SNUPN: variants seen among roughly 807,000 people sequenced by gnomAD.
The protein encoded by SNUPN is snurportin 1.
In SNUPN, 31 loss-of-function variants were observed where a neutral mutation model predicts 39.2. The ratio of observed to expected loss-of-function variants is 0.79; its 90% CI spans 0.59 to 1.07. SNUPN has a LOEUF of 1.07. Ranked by LOEUF, SNUPN falls within the 50% of genes least tolerant of loss-of-function variation. SNUPN has a pLI of 0.00. For synonymous variants in SNUPN, 132 were observed against 159.0 expected (o/e 0.83, Z 1.28); for missense variants, 382 against 434.2 (o/e 0.88, Z 1.07).
chr15:75,612,451 T>C (rs1306086486), intron 3 of SNUPN, among the ~76,000 whole-genome samples: 6 of 152,146 alleles, frequency 3.9e-5, no homozygotes, highest in African/African-American at 1.4e-4. Context: ...ACTCTGTTTT[T>C]CCCTCTAAAC....
At chr15:75,617,351 G>T in intron 3 of SNUPN, 57 bp downstream of exon 3, 3 of 1,557,968 alleles carry the variant, frequency 1.9e-6, no homozygotes, top group South Asian at 1.2e-5. Context: ...AGTGGGCTTT[G>T]ACTGCATAGT....
At chr15:75,612,895 CAAA>C (rs1170619103) in intron 3 of SNUPN, among the ~76,000 whole-genome samples, 1 of 151,640 alleles carries the variant, frequency 6.6e-6, no homozygotes, top group Non-Finnish European at 1.5e-5. Flanking sequence ...ACCAAGAAGA[CAAA>C]AAGACAACCC....
chr15:75,626,346 G>A (rs1041074119), upstream of SNUPN: 2 of 152,214 alleles, frequency 1.3e-5, no homozygotes, highest in Non-Finnish European at 2.9e-5. Flanking sequence ...CCAGAGTCCA[G>A]CACAAGGGAT....
At chr15:75,616,229 G>A (rs1158224998) in intron 3 of SNUPN, among the ~76,000 whole-genome samples, 2 of 151,278 alleles carry the variant, frequency 1.3e-5, no homozygotes, top group East Asian at 2.0e-4. Context: ...GGCCGAGGGG[G>A]GTGGATCACC....
chr15:75,623,445 G>A (rs1488939389), intron 1 of SNUPN, among the ~76,000 whole-genome samples: 8 of 115,970 alleles, frequency 6.9e-5, no homozygotes, highest in East Asian at 2.2e-4. Context: ...CACCACGCCC[G>A]GCCTTTTTTT....
chr15:75,616,982 G>A (rs1046335779), intron 3 of SNUPN, among the ~76,000 whole-genome samples: 1 of 152,192 alleles, frequency 6.6e-6, no homozygotes, highest in Non-Finnish European at 1.5e-5. Flanking sequence ...ATAGTACACT[G>A]CCTGGGAAAG....
At chr15:75,605,577 G>A (rs2075324745) in intron 6 of SNUPN, among the ~76,000 whole-genome samples, 1 of 151,656 alleles carries the variant, frequency 6.6e-6, no homozygotes, top group South Asian at 2.1e-4. Context: ...TGGGATTACA[G>A]GTGTGAGCCA....
intron 1 of SNUPN, chr15:75,624,831 G>C (rs1035852099): frequency 1.3e-6 from 1 of 793,296 alleles, no homozygotes; most frequent in African/African-American, 1.9e-5. Flanking sequence ...GGAGTGCAGT[G>C]GCATGATCTC....
chr15:75,601,080 C>T (rs1456994679), intron 8 of SNUPN, 58 bp downstream of exon 8: 2 of 1,217,116 alleles, frequency 1.6e-6, no homozygotes, highest in East Asian at 4.7e-5. Flanking sequence ...CTTTGTGTAA[C>T]TAAGTCTCTC....
At chr15:75,620,835 C>T (rs1212182244) in intron 2 of SNUPN, 59 bp downstream of exon 2, 4 of 1,476,082 alleles carry the variant, frequency 2.7e-6, no homozygotes, top group East Asian at 4.5e-5. Context: ...CTAGAGCCTT[C>T]GGAATGGTTC....
chr15:75,607,108 C>G lies in SNUPN; in HGVS notation c.600+108G>C, dbSNP rs2075336414. ...AGATAATGTTCTTGATATACCACAT[C>G]CTGTGCACACCAAGAAGTTGGTCAC... On this transcript the variant is annotated intron_variant, in intron 6 of 8. Coordinates refer to ENST00000308588, the MANE Select transcript of SNUPN (RefSeq NM_005701.4). The G allele has an allele frequency of 9.0e-6, 7 of 780,304 alleles. No homozygotes were observed. The East Asian group carries it at 1.7e-4, about 19-fold the overall frequency. 48.3% of individuals were successfully genotyped at this position (780,304 alleles called of 1,614,324 possible).
Position 75,623,305 on chromosome 15 carries a change from C to A in SNUPN, c.-5-2249G>T, listed in dbSNP as rs144936735. Reference sequence around the variant, plus strand: ...GATTACAGGCGCCCGCCACCACGCCCGGCTAATTTTGTTTTTGTATTTTTT... The same window carrying A: ...GATTACAGGCGCCCGCCACCACGCCAGGCTAATTTTGTTTTTGTATTTTTT... On this transcript the variant is annotated intron_variant, in intron 1 of 8. Transcript: ENST00000308588. Among the ~76,000 whole-genome samples the A allele has an allele frequency of 7.5e-3, 980 of 130,740 alleles. 10 individuals carry two copies. Among genetic ancestry groups the A allele is most frequent in the African/African-American group, 0.031 (931 of 30,094 alleles). The allele number at this position is 130,740 out of a possible 152,430, so 85.8% of individuals were successfully genotyped here.
At chr15:75,605,551 G>T in intron 6 of SNUPN, among the ~76,000 whole-genome samples, 1 of 151,722 alleles carries the variant, frequency 6.6e-6, no homozygotes, top group African/African-American at 2.4e-5. Flanking sequence ...TCTCCACCTC[G>T]AGCCTCCCAA....
rs1464572795 is a variant in SNUPN, at chr15:75,598,264, A to G, written c.*94T>C. On this transcript the variant is annotated 3_prime_UTR_variant, in exon 9 of 9. Coordinates refer to ENST00000308588, the MANE Select transcript of SNUPN (RefSeq NM_005701.4). ...GGACTGGGTTTGGAAAGTTCACTCT[A>G]AAGAATGAAGTCACCTGTTGTCACT... The G allele has an allele frequency of 9.9e-7, 1 of 1,013,248 alleles. No individual in the cohort carries two copies. The highest frequency in any genetic ancestry group is 1.4e-6 in the Non-Finnish European group (1 of 696,902). The allele number at this position is 1,013,248 out of a possible 1,614,324, so 62.8% of individuals were successfully genotyped here.
At chr15:75,619,239 G>T (rs1398908816) in intron 2 of SNUPN, among the ~76,000 whole-genome samples, 2 of 151,398 alleles carry the variant, frequency 1.3e-5, no homozygotes, top group Non-Finnish European at 2.9e-5. Context: ...GGCTGAGGTT[G>T]CAGTGAGCCA....
chr15:75,622,260 T>G, intron 1 of SNUPN: 2 of 648,748 alleles, frequency 3.1e-6, no homozygotes, highest in South Asian at 6.8e-5. Flanking sequence ...AAAAATCTGA[T>G]TGTTACTTCC....
At chr15:75,615,593 C>CCTTTTT (rs1595987126) in intron 3 of SNUPN, among the ~76,000 whole-genome samples, 1 of 109,430 alleles carries the variant, frequency 9.1e-6, no homozygotes, top group African/African-American at 4.3e-5. Context: ...GAAGGAATCT[C>CCTTTTT]ATTTTTTTTT....
At chr15:75,599,277 A>T (rs2075266438) in intron 8 of SNUPN, among the ~76,000 whole-genome samples, 1 of 152,094 alleles carries the variant, frequency 6.6e-6, no homozygotes. Context: ...TGTCTGAGAG[A>T]TGGGGCTGCT....
intron 2 of SNUPN, among the ~76,000 whole-genome samples, chr15:75,618,900 C>T (rs1395335720): frequency 1.3e-5 from 2 of 151,832 alleles, no homozygotes; most frequent in East Asian, 1.9e-4. Flanking sequence ...ATCCATTCCA[C>T]GGAATACCTA....
Sources: gnomAD v4.1 joint callset for allele counts (sites outside exome capture counted in the v4.1 genomes callset) on GRCh38, gnomAD v4.1.1 for gene constraint, MANE v1.5 for transcripts, NCBI Gene and HGNC (gene_info 2026-07-23, HGNC 2026-07-21) for gene names.